Variants in SPESP1 observed in about 807,000 individuals in gnomAD.
SPESP1 encodes sperm equatorial segment protein 1.
SPESP1 carries 1 observed loss-of-function variant against 3.1 expected under a neutral mutation model. That is an observed-to-expected ratio of 0.33 (90% CI 0.12 to 1.54). The LOEUF is 1.54. SPESP1 is among the 40% of genes most tolerant of loss of function. SPESP1 has a pLI of 0.38. For missense variants in SPESP1, 398 were observed against 410.1 expected (o/e 0.97, Z 0.26); for synonymous variants, 138 against 150.7 (o/e 0.92, Z 0.62).
intron 1 of SPESP1, among the ~76,000 whole-genome samples, chr15:68,937,664 G>A (rs1176236910): frequency 6.6e-6 from 1 of 152,118 alleles, no homozygotes; most frequent in Non-Finnish European, 1.5e-5. Flanking sequence ...AGGGGCTGGG[G>A]TATAGGGGAT....
Position 68,946,365 on chromosome 15 carries a change from A to T in SPESP1, c.831A>T (p.Thr277=). Reference sequence around the variant, plus strand: ...CAGCAGCAGAACATAAATTAAAAACAATGTATAAGTCCCAGTTATTGCCAG... The same window carrying T: ...CAGCAGCAGAACATAAATTAAAAACTATGTATAAGTCCCAGTTATTGCCAG... The part of the protein sequence containing the change: ...LAAAAEHKLK[T]MYKSQLLPVG... Residue 277 remains threonine (T), a synonymous_variant, in exon 2 of 2, where the codon ACA becomes ACT. Coordinates refer to ENST00000310673, the MANE Select transcript of SPESP1 (RefSeq NM_145658.4). 6.2e-7 allele frequency: 1 copy of T among 1,614,204 alleles called. No individual in the cohort carries two copies.
intron 1 of SPESP1, among the ~76,000 whole-genome samples, chr15:68,943,687 C>T (rs534271008): frequency 2.1e-3 from 323 of 152,088 alleles, no homozygotes; most frequent in Middle Eastern, 3.4e-3. Context: ...CTGTTCTGTT[C>T]AAAACCAATC....
At chr15:68,932,210 T>C (rs1895561857) in intron 1 of SPESP1, among the ~76,000 whole-genome samples, 1 of 152,294 alleles carries the variant, frequency 6.6e-6, no homozygotes, top group East Asian at 1.9e-4. Flanking sequence ...ATTTTGGTAG[T>C]TGTAGATCAG....
intron 1 of SPESP1, among the ~76,000 whole-genome samples, chr15:68,939,135 C>T (rs1431510178): frequency 6.6e-6 from 1 of 152,188 alleles, no homozygotes; most frequent in East Asian, 1.9e-4. Context: ...CCAGCAAAAT[C>T]TCAAGCCTGC....
chr15:68,935,551 G>A (rs937922788), intron 1 of SPESP1, among the ~76,000 whole-genome samples: 5 of 152,302 alleles, frequency 3.3e-5, no homozygotes, highest in Admixed American at 6.5e-5. Flanking sequence ...ATGCTCTTAC[G>A]AAGCCTACAC....
chr15:68,933,384 G>GT (rs1567061840), intron 1 of SPESP1, among the ~76,000 whole-genome samples: 1 of 151,972 alleles, frequency 6.6e-6, no homozygotes, highest in Non-Finnish European at 1.5e-5. Context: ...GAGAAACAAC[G>GT]TTTTACTATA....
chr15:68,946,419 C>T lies in SPESP1; in HGVS notation c.885C>T (p.Asp295=). The part of the protein sequence containing the change: ...PVGRTSNKID[D]IETVINMLCN... ...GACGAACAAGTAATAAAATTGATGA[C>T]ATCGAAACTGTTATTAACATGCTGT... Residue 295 remains aspartate (D), a synonymous_variant, in exon 2 of 2, where the codon GAC becomes GAT. Transcript: ENST00000310673. The T allele has an allele frequency of 1.2e-6, 2 of 1,613,994 alleles. No individual in the cohort carries two copies. The highest frequency in any genetic ancestry group is 1.7e-5 in the Admixed American group (1 of 60,004).
chr15:68,946,013 G>A lies in SPESP1; in HGVS notation c.479G>A (p.Arg160Lys). 1 of 1,614,136 alleles carries A rather than the reference G, an allele frequency of 6.2e-7. No homozygotes were observed. The highest frequency in any genetic ancestry group is 8.5e-7 in the Non-Finnish European group (1 of 1,180,024). The change falls in exon 2 of 2, where the codon AGA becomes AAA. Residue 160 changes from arginine to lysine, a missense_variant. Transcript: ENST00000310673. ...EPAAKQTEAP[R>K]MLPVVTESST... is the part of the protein sequence containing the mutation. Reference sequence around the variant, plus strand: ...GCTGCAAAACAAACTGAGGCACCAAGAATGTTGCCAGTTGTTACTGAATCA... The same window carrying A: ...GCTGCAAAACAAACTGAGGCACCAAAAATGTTGCCAGTTGTTACTGAATCA...
intron 1 of SPESP1, among the ~76,000 whole-genome samples, chr15:68,942,756 G>A (rs1201537521): frequency 2.6e-5 from 4 of 152,076 alleles, no homozygotes; most frequent in African/African-American, 9.7e-5. Context: ...TAGTATCTTA[G>A]CTTTATAGTT....
intron 1 of SPESP1, among the ~76,000 whole-genome samples, chr15:68,937,565 C>T (rs1377686815): frequency 6.6e-6 from 1 of 151,890 alleles, no homozygotes; most frequent in Non-Finnish European, 1.5e-5. Context: ...CATACGTGTG[C>T]CATGGTGGTT....
rs78587031 is a variant in SPESP1 at position 68,940,700 on chromosome 15, A to G, written c.65-4899A>G. 2.0e-4 allele frequency among the ~76,000 whole-genome samples: 30 copies of G among 147,368 alleles called. No homozygotes were observed. The East Asian group carries it at 5.9e-3, about 29-fold the overall frequency. ...TTTAATATTTCCCTTATTGTCCTAT[A>G]TATTTTCTGTATATTGTTAGTTATA... On this transcript the variant is annotated intron_variant, in intron 1 of 1. Coordinates refer to ENST00000310673, the MANE Select transcript of SPESP1 (RefSeq NM_145658.4).
At position 68,933,097 on chromosome 15, in the gene SPESP1, G is replaced by A. The variant is rs571349329; in HGVS notation, c.64+2380G>A. Among the ~76,000 whole-genome samples the A allele has an allele frequency of 2.6e-5, 4 of 152,262 alleles. No individual in the cohort carries two copies. The East Asian group carries it at 7.7e-4, about 29-fold the overall frequency. ...TTGTTGGCGAGATGCAAAAGATAAG[G>A]TACATAGGTTTTTATAATGAAAAGT... is the stretch of plus-strand genomic sequence containing the variant. On this transcript the variant is annotated intron_variant, in intron 1 of 1. Coordinates refer to ENST00000310673, the MANE Select transcript of SPESP1 (RefSeq NM_145658.4).
chr15:68,941,573 G>GCCTCTTCCTCCACATTA (rs139767658), intron 1 of SPESP1, among the ~76,000 whole-genome samples: 10,377 of 151,924 alleles, frequency 0.068, 432 homozygotes, highest in East Asian at 0.18. Context: ...TCTAATCTCT[G>GCCTCTTCCTCCACATTA]CCTCTTCCTC....
Position 68,930,546 on chromosome 15 carries a change from T to G in SPESP1, c.-108T>G. The G allele has an allele frequency of 2.1e-6, 3 of 1,452,976 alleles. No homozygotes were observed. Among genetic ancestry groups the G allele is most frequent in the Admixed American group, 3.5e-5 (2 of 57,298 alleles). The allele number at this position is 1,452,976 out of a possible 1,614,324, so 90.0% of individuals were successfully genotyped here. On this transcript the variant is annotated 5_prime_UTR_variant, in exon 1 of 2. Transcript: ENST00000310673. ...AACCGTTGCTGGGTGTCCCAGGGCC[T>G]GAGGCAGGACGGTACTCCGCTGACA...
chr15:68,942,187 G>T (rs568862817), intron 1 of SPESP1, among the ~76,000 whole-genome samples: 4 of 122,946 alleles, frequency 3.3e-5, no homozygotes, highest in Admixed American at 7.3e-5. Flanking sequence ...TTTTTGAGAC[G>T]GAGTCTCGCT....
intron 1 of SPESP1, among the ~76,000 whole-genome samples, chr15:68,931,942 G>A (rs930706320): frequency 1.3e-5 from 2 of 152,116 alleles, no homozygotes; most frequent in East Asian, 1.9e-4. Context: ...ATTGCTAAAC[G>A]ATCTTAGTTA....
intron 1 of SPESP1, among the ~76,000 whole-genome samples, chr15:68,937,144 T>C (rs1249977978): frequency 6.6e-6 from 1 of 152,218 alleles, no homozygotes; most frequent in African/African-American, 2.4e-5. Flanking sequence ...TCTTCCTCTG[T>C]ATTCTTCTGT....
At chr15:68,938,014 C>G (rs571532936) in intron 1 of SPESP1, among the ~76,000 whole-genome samples, 2 of 152,144 alleles carry the variant, frequency 1.3e-5, no homozygotes, top group East Asian at 3.9e-4. Context: ...GAGTTTCACT[C>G]TTGTCCCCCA....
chr15:68,942,619 T>G (rs1248546356), intron 1 of SPESP1, among the ~76,000 whole-genome samples: 1 of 152,176 alleles, frequency 6.6e-6, no homozygotes, highest in African/African-American at 2.4e-5. Context: ...TAAGGGAAAT[T>G]TATATTTAAA....
Sources: allele counts gnomAD v4.1 joint callset (sites outside exome capture counted in the v4.1 genomes callset), GRCh38; gene constraint gnomAD v4.1.1; transcripts MANE v1.5; gene names NCBI Gene and HGNC (gene_info 2026-07-23, HGNC 2026-07-21).